YPEL1: variants seen among roughly 807,000 people sequenced by gnomAD.
YPEL1 encodes yippee like 1, also known as protein yippee-like 1.
A neutral mutation model predicts 17.3 loss-of-function variants in YPEL1; 7 were observed. The ratio of observed to expected loss-of-function variants is 0.40; its 90% CI spans 0.23 to 0.76. YPEL1 has a LOEUF of 0.76. Among genes scored for constraint, YPEL1 ranks in the 30% least tolerant of loss-of-function variants. YPEL1 has a pLI of 0.35. For missense variants in YPEL1, 91 were observed against 155.5 expected, an observed-to-expected ratio of 0.59 and a Z score of 2.21; for synonymous variants, 59 against 59.6, an observed-to-expected ratio of 0.99 and a Z score of 0.05.
intron 2 of YPEL1, among the ~76,000 whole-genome samples, chr22:21,707,258 A>T (rs1394408370): frequency 2.6e-5 from 4 of 152,170 alleles, no homozygotes; most frequent in Admixed American, 2.6e-4. Flanking sequence ...TCTACTAAAA[A>T]TACAAAAAAT....
At chr22:21,712,218 A>G (rs2068173347) in intron 1 of YPEL1, among the ~76,000 whole-genome samples, 1 of 152,174 alleles carries the variant, frequency 6.6e-6, no homozygotes, top group Admixed American at 6.5e-5. Context: ...GGATACTATC[A>G]ACAGAGGCAA....
At chr22:21,728,954 C>A (rs1279039593) in intron 1 of YPEL1, among the ~76,000 whole-genome samples, 1 of 152,052 alleles carries the variant, frequency 6.6e-6, no homozygotes, top group African/African-American at 2.4e-5. Context: ...ACCAGCCTGG[C>A]CAACATGGTG....
chr22:21,717,057 A>AT (rs2068230621), intron 1 of YPEL1, among the ~76,000 whole-genome samples: 1 of 151,846 alleles, frequency 6.6e-6, no homozygotes, highest in African/African-American at 2.4e-5. Context: ...CGTCAGAATA[A>AT]ATTATGCTGA....
intron 1 of YPEL1, among the ~76,000 whole-genome samples, chr22:21,712,379 A>AAAC (rs1555904121): frequency 6.6e-6 from 1 of 151,280 alleles, no homozygotes; most frequent in African/African-American, 2.4e-5. Flanking sequence ...AAAAAAAAAA[A>AAAC]AAAAAACAAC....
chr22:21,728,843 C>T (rs2068360665), intron 1 of YPEL1, among the ~76,000 whole-genome samples: 1 of 152,042 alleles, frequency 6.6e-6, no homozygotes, highest in South Asian at 2.1e-4. Flanking sequence ...AACCCCGTCT[C>T]TACAAAAAAA....
rs1312162262 is a variant in YPEL1 at position 21,735,767 on chromosome 22, C to A, written c.-317G>T. 1 of 150,806 alleles carries A rather than the reference C, an allele frequency of 6.6e-6. No homozygotes were observed. The highest frequency in any genetic ancestry group is 1.5e-5 in the Non-Finnish European group (1 of 67,578). The allele number at this position is 150,806 out of a possible 1,614,324, so 9.3% of individuals were successfully genotyped here. A position where few individuals can be genotyped will look rare whatever the true frequency, so the allele number is the denominator to read the frequency against. ...GGCGCGAGGCATCCTCCCGCCGCCG[C>A]CCCGCGGGCCGCCTGCCCTTTGTTT... is the stretch of plus-strand genomic sequence containing the variant. On this transcript the variant is annotated 5_prime_UTR_variant, in exon 1 of 5. Transcript: ENST00000339468.
chr22:21,701,311 A>G (rs1466558440), intron 4 of YPEL1, 93 bp from the exon 5 acceptor site: 8 of 895,282 alleles, frequency 8.9e-6, no homozygotes, highest in East Asian at 7.9e-5. Flanking sequence ...AGTCTATACT[A>G]TGAACTATAT....
intron 1 of YPEL1, among the ~76,000 whole-genome samples, chr22:21,734,759 T>C (rs973856503): frequency 1.3e-5 from 2 of 152,106 alleles, no homozygotes; most frequent in Non-Finnish European, 2.9e-5. Flanking sequence ...CATCTATAGC[T>C]TGCTCAGGTG....
intron 2 of YPEL1, among the ~76,000 whole-genome samples, chr22:21,708,219 C>T (rs552475510): frequency 2.6e-5 from 4 of 151,848 alleles, no homozygotes; most frequent in Non-Finnish European, 4.4e-5. Flanking sequence ...CATGGAGGCA[C>T]GAGGTCTGAT....
chr22:21,728,977 T>C (rs898252897), intron 1 of YPEL1, among the ~76,000 whole-genome samples: 8 of 151,976 alleles, frequency 5.3e-5, no homozygotes, highest in Non-Finnish European at 8.8e-5. Flanking sequence ...ACCCCATCTC[T>C]ACTAAAAATA....
At position 21,700,044 on chromosome 22, in the gene YPEL1, C is replaced by A. The variant is rs1030017112; in HGVS notation, c.*1085G>T. 4.6e-5 allele frequency: 7 copies of A among 152,494 alleles called. No homozygotes were observed. The East Asian group carries it at 1.3e-3, about 29-fold the overall frequency. The allele number at this position is 152,494 out of a possible 1,614,324, so 9.4% of individuals were successfully genotyped here. ...TCAATTTAGAGTGTATCTAAAATGT[C>A]ATCTGTGCTGGCCTCTGTTTTTGAA... On this transcript the variant is annotated 3_prime_UTR_variant, in exon 5 of 5. Transcript: ENST00000339468.
chr22:21,723,704 G>A (rs918715825), intron 1 of YPEL1, among the ~76,000 whole-genome samples: 4 of 73,940 alleles, frequency 5.4e-5, no homozygotes, highest in African/African-American at 2.3e-4. Context: ...TTTTTTTTTT[G>A]AGACGGAGTC....
intron 2 of YPEL1, among the ~76,000 whole-genome samples, chr22:21,710,313 T>C (rs1012813695): frequency 1.3e-5 from 2 of 152,336 alleles, no homozygotes; most frequent in Admixed American, 1.3e-4. Context: ...TTTTCTAGAC[T>C]TCTTTTGCTC....
At position 21,703,415 on chromosome 22, in the gene YPEL1, G is replaced by T; in HGVS notation, c.225C>A (p.Ala75=). The part of the protein sequence containing the change: ...RVLLTGLHAV[A]DIYCENCKTT... The stretch of plus-strand genomic sequence containing the variant: ...TCTTGCAGTTCTCGCAGTAGATGTC[G>T]GCAACCGCATGCAGCCCGGTGAGAA... The change falls in exon 4 of 5, where the codon GCC becomes GCA. Residue 75 remains alanine (A), a synonymous_variant. Coordinates refer to ENST00000339468, the MANE Select transcript of YPEL1 (RefSeq NM_013313.5). The surrounding 1 kb of genome is among the most constrained non-coding windows in gnomAD (Gnocchi z 6.1). 1 of 1,613,390 alleles carries T rather than the reference G, an allele frequency of 6.2e-7. No individual in the cohort carries two copies. Among genetic ancestry groups the T allele is most frequent in the Non-Finnish European group, 8.5e-7 (1 of 1,179,992 alleles).
At position 21,698,381 on chromosome 22, in the gene YPEL1, A is replaced by G. The variant is rs1401625977; in HGVS notation, c.*2748T>C. Reference sequence around the variant, plus strand: ...AATAGAAGGAGCAGCGAACTTGCCCAAAACAGAAAAGCTCTAAATAGAACT... The same window carrying G: ...AATAGAAGGAGCAGCGAACTTGCCCGAAACAGAAAAGCTCTAAATAGAACT... On this transcript the variant is annotated 3_prime_UTR_variant, in exon 5 of 5. Transcript: ENST00000339468. 1 of 152,356 alleles carries G rather than the reference A, an allele frequency of 6.6e-6. No individual in the cohort carries two copies. Among genetic ancestry groups the G allele is most frequent in the Non-Finnish European group, 1.5e-5 (1 of 68,042 alleles). The allele number at this position is 152,356 out of a possible 1,614,324, so 9.4% of individuals were successfully genotyped here.
intron 1 of YPEL1, among the ~76,000 whole-genome samples, chr22:21,718,419 C>T (rs188638021): frequency 9.5e-4 from 144 of 151,514 alleles, no homozygotes; most frequent in Non-Finnish European, 1.6e-3. Context: ...GAGCTGAGAT[C>T]GCACCACTGC....
chr22:21,726,187 G>A (rs2068333993), intron 1 of YPEL1, among the ~76,000 whole-genome samples: 1 of 152,120 alleles, frequency 6.6e-6, no homozygotes, highest in Non-Finnish European at 1.5e-5. Context: ...AAAGAGCAGT[G>A]CACAAGCCAG....
chr22:21,734,194 T>G (rs2068415068), intron 1 of YPEL1, among the ~76,000 whole-genome samples: 1 of 152,214 alleles, frequency 6.6e-6, no homozygotes, highest in Non-Finnish European at 1.5e-5. Context: ...CACTCCATCC[T>G]GAGCAAGAGT....
At position 21,721,424 on chromosome 22, in the gene YPEL1, T is replaced by TC. The variant is rs1491569079; in HGVS notation, c.-164-10517dup. Among the ~76,000 whole-genome samples the TC allele has an allele frequency of 7.8e-5, 3 of 38,372 alleles. No homozygotes were observed. In the East Asian group the frequency reaches 8.8e-4, roughly 11 times the overall value. The allele number at this position is 38,372 out of a possible 152,430, so 25.2% of individuals were successfully genotyped here. A position where few individuals can be genotyped will look rare whatever the true frequency, so the allele number is the denominator to read the frequency against. Reference sequence around the variant, plus strand: ...TGAGCCACCATGCCCAGCCTTTTTTTCTTTTTTTTTTTTTTTTGAGACAGA... The same window carrying TC: ...TGAGCCACCATGCCCAGCCTTTTTTTCCTTTTTTTTTTTTTTTTGAGACAGA... On this transcript the variant is annotated intron_variant, in intron 1 of 4. Transcript: ENST00000339468.
Sources: gnomAD v4.1 joint callset for allele counts (sites outside exome capture counted in the v4.1 genomes callset) on GRCh38, gnomAD v4.1.1 for gene constraint, Gnocchi (gnomAD v3.1) non-coding constraint, MANE v1.5 for transcripts, NCBI Gene and HGNC (gene_info 2026-07-23, HGNC 2026-07-21) for gene names.